RBFOX1: variants seen among roughly 807,000 people sequenced by gnomAD.
RBFOX1 encodes RNA binding fox-1 homolog 1, also known as RNA binding protein fox-1 homolog 1.
In RBFOX1, 8 loss-of-function variants were observed where a neutral mutation model predicts 57.7. The observed-to-expected ratio is 0.14, with a 90% CI of 0.08 to 0.25. The LOEUF is 0.25. Among genes scored for constraint, RBFOX1 ranks in the 10% least tolerant of loss-of-function variants. The probability of loss-of-function intolerance (pLI) is 1.00; values close to 1 mark genes in which losing one functional copy is unlikely to be tolerated. For synonymous variants in RBFOX1, 326 were observed against 222.4 expected (o/e 1.47, Z -4.15); for missense variants, 611 against 548.5 (o/e 1.11, Z -1.14).
intron 1 of RBFOX1, among the ~76,000 whole-genome samples, chr16:6,129,679 A>G (rs1209365641): frequency 6.9e-6 from 1 of 145,456 alleles, no homozygotes; most frequent in Non-Finnish European, 1.5e-5. Context: ...AGATTAGTAG[A>G]TCAGGTTAAA....
chr16:6,711,973 T>A (rs2063790658), intron 3 of RBFOX1, among the ~76,000 whole-genome samples: 1 of 152,196 alleles, frequency 6.6e-6, no homozygotes, highest in Admixed American at 6.5e-5. Context: ...CTGTAGCATT[T>A]TGTATAGTAT....
At chr16:6,985,502 A>G (rs141236287) in intron 3 of RBFOX1, among the ~76,000 whole-genome samples, 54 of 152,258 alleles carry the variant, frequency 3.5e-4, no homozygotes, top group Non-Finnish European at 2.8e-4. Context: ...AATTAACTAA[A>G]GAACACTATG....
chr16:6,012,588 C>T (rs1302514343), intron 4 of RBFOX1, among the ~76,000 whole-genome samples: 1 of 152,190 alleles, frequency 6.6e-6, no homozygotes, highest in East Asian at 1.9e-4. Context: ...GTTTAAGAAA[C>T]CCTGCTATAG....
intron 4 of RBFOX1, among the ~76,000 whole-genome samples, chr16:7,256,680 A>G (rs906443573): frequency 6.6e-6 from 1 of 152,144 alleles, no homozygotes; most frequent in Non-Finnish European, 1.5e-5. Context: ...CCACCCCTTT[A>G]GGGTAAATAA....
intron 4 of RBFOX1, among the ~76,000 whole-genome samples, chr16:7,087,820 G>T (rs1192718116): frequency 6.6e-6 from 1 of 152,122 alleles, no homozygotes; most frequent in Non-Finnish European, 1.5e-5. Context: ...TTTGCTGACA[G>T]AGCCCTTGAT....
chr16:7,026,591 G>A (rs1055379274), intron 3 of RBFOX1, among the ~76,000 whole-genome samples: 18 of 152,146 alleles, frequency 1.2e-4, no homozygotes, highest in Admixed American at 8.5e-4. Flanking sequence ...CAGCTGTGGC[G>A]TTTCTGCACA....
At chr16:6,939,847 G>T (rs561180504) in intron 3 of RBFOX1, among the ~76,000 whole-genome samples, 93 of 152,174 alleles carry the variant, frequency 6.1e-4, no homozygotes, top group Non-Finnish European at 1.0e-3. Context: ...TATAGCTGGT[G>T]GAAGATACAT....
At chr16:6,832,899 A>G (rs887964781) in intron 3 of RBFOX1, among the ~76,000 whole-genome samples, 23 of 152,338 alleles carry the variant, frequency 1.5e-4, no homozygotes, top group African/African-American at 5.5e-4. Flanking sequence ...CAGGCGAACT[A>G]GTGTATCTGC....
At chr16:6,837,376 C>T (rs1005592250) in intron 3 of RBFOX1, among the ~76,000 whole-genome samples, 8 of 152,142 alleles carry the variant, frequency 5.3e-5, no homozygotes, top group African/African-American at 9.7e-5. Context: ...TTGGGTTCTC[C>T]GCAATGGTAG....
At chr16:5,690,199 G>C (rs2050630706) in intron 3 of RBFOX1, among the ~76,000 whole-genome samples, 1 of 152,202 alleles carries the variant, frequency 6.6e-6, no homozygotes, top group Non-Finnish European at 1.5e-5. Flanking sequence ...TCCAATGAAA[G>C]GGCATACATT....
At chr16:6,824,983 GTTTTTTTTTTTTTTTTT>G (rs151177772) in intron 3 of RBFOX1, among the ~76,000 whole-genome samples, 13 of 36,878 alleles carry the variant, frequency 3.5e-4, no homozygotes, top group Admixed American at 1.4e-3. Context: ...TTCTTTCTTG[GTTTTTTTTTTTTTTTTT>G]TTTTTTTTTT....
At chr16:6,396,043 G>T (rs2092816888) in intron 2 of RBFOX1, among the ~76,000 whole-genome samples, 1 of 127,982 alleles carries the variant, frequency 7.8e-6, no homozygotes, top group Non-Finnish European at 1.5e-5. Context: ...TGCAGCCTGG[G>T]TGACAGAGCA....
chr16:5,814,082 T>A (rs2055532852), intron 3 of RBFOX1, among the ~76,000 whole-genome samples: 1 of 152,174 alleles, frequency 6.6e-6, no homozygotes, highest in South Asian at 2.1e-4. Flanking sequence ...TAACCTTCCA[T>A]CTCGAAGTTA....
chr16:6,723,001 C>T (rs1316917874), intron 3 of RBFOX1, among the ~76,000 whole-genome samples: 9 of 152,158 alleles, frequency 5.9e-5, no homozygotes, highest in Non-Finnish European at 1.3e-4. Context: ...CAGTCACCTC[C>T]TAAGTAGCTC....
At chr16:7,324,578 G>A (rs1408823264) in intron 4 of RBFOX1, among the ~76,000 whole-genome samples, 1 of 152,234 alleles carries the variant, frequency 6.6e-6, no homozygotes, top group Non-Finnish European at 1.5e-5. Context: ...CAGAGATGAT[G>A]TGCAGGGTTG....
intron 4 of RBFOX1, among the ~76,000 whole-genome samples, chr16:7,200,164 C>G (rs1392019304): frequency 6.6e-6 from 1 of 152,212 alleles, no homozygotes; most frequent in East Asian, 1.9e-4. Context: ...GGGCCTCCAC[C>G]TGGAATATAA....
chr16:7,253,294 A>G lies in RBFOX1; in HGVS notation c.27+201196A>G, dbSNP rs183312027. Among the ~76,000 whole-genome samples the G allele has an allele frequency of 3.0e-4, 46 of 152,326 alleles. No individual in the cohort carries two copies. The East Asian group carries it at 8.9e-3, about 29-fold the overall frequency. ...ATCATTCTGTCAGTTCTGTGGAGCTATTCAGAAATTCGTGTTGATGTCAGT... is the reference window on the plus strand; with the variant it reads ...ATCATTCTGTCAGTTCTGTGGAGCTGTTCAGAAATTCGTGTTGATGTCAGT... On this transcript the variant is annotated intron_variant, in intron 4 of 15. Transcript: ENST00000550418.
chr16:5,696,947 C>G (rs2050863447), intron 3 of RBFOX1, among the ~76,000 whole-genome samples: 1 of 152,066 alleles, frequency 6.6e-6, no homozygotes, highest in Non-Finnish European at 1.5e-5. Flanking sequence ...GAGTCTCATT[C>G]TCTTGCCCAG....
At chr16:7,337,674 T>G (rs1383936780) in intron 4 of RBFOX1, among the ~76,000 whole-genome samples, 1 of 152,070 alleles carries the variant, frequency 6.6e-6, no homozygotes, top group African/African-American at 2.4e-5. Flanking sequence ...TTTTTTGTGT[T>G]TGTTTTTGTT....
Sources: allele counts gnomAD v4.1 joint callset (sites outside exome capture counted in the v4.1 genomes callset), GRCh38; gene constraint gnomAD v4.1.1; transcripts MANE v1.5; gene names NCBI Gene and HGNC (gene_info 2026-07-23, HGNC 2026-07-21).